The following ASTN2 variants were observed in gnomAD, a reference collection of about 807,000 sequenced individuals.
ASTN2 encodes the protein astrotactin-2.
A neutral mutation model predicts 139.8 loss-of-function variants in ASTN2; 54 were observed. That is an observed-to-expected ratio of 0.39 (90% CI 0.31 to 0.48). ASTN2 has a LOEUF of 0.48. Among genes scored for constraint, ASTN2 ranks in the 20% least tolerant of loss-of-function variants. The probability of loss-of-function intolerance (pLI) is 0.95; values close to 1 mark genes in which losing one functional copy is unlikely to be tolerated. For synonymous variants in ASTN2, 756 were observed against 719.5 expected (o/e 1.05, Z -0.81); for missense variants, 1,565 against 1,725.1 (o/e 0.91, Z 1.64).
At chr9:116,566,670 G>A (rs903907919) in intron 19 of ASTN2, among the ~76,000 whole-genome samples, 7 of 152,190 alleles carry the variant, frequency 4.6e-5, no homozygotes, top group African/African-American at 1.7e-4. Flanking sequence ...CCTAGTCTGA[G>A]TACTCTGAAT....
At chr9:117,211,000 T>G (rs917667210) in intron 3 of ASTN2, among the ~76,000 whole-genome samples, 1 of 150,104 alleles carries the variant, frequency 6.7e-6, no homozygotes, top group African/African-American at 2.4e-5. Context: ...AAAAAGCTTT[T>G]GAAATTTTAA....
At chr9:116,493,781 G>A (rs1415193319) in intron 19 of ASTN2, among the ~76,000 whole-genome samples, 1 of 152,170 alleles carries the variant, frequency 6.6e-6, no homozygotes, top group Non-Finnish European at 1.5e-5. Flanking sequence ...AGAATGGAAG[G>A]AGCAGTGGGA....
At chr9:117,348,075 A>T (rs1829279943) in intron 1 of ASTN2, among the ~76,000 whole-genome samples, 1 of 152,208 alleles carries the variant, frequency 6.6e-6, no homozygotes, top group Admixed American at 6.5e-5. Context: ...CCAAGCTTAA[A>T]ATCAGAGAGA....
chr9:116,600,323 C>CAAAAAAAAAAA (rs35224783), intron 19 of ASTN2, among the ~76,000 whole-genome samples: 3 of 118,942 alleles, frequency 2.5e-5, no homozygotes, highest in Non-Finnish European at 3.5e-5. Flanking sequence ...GACCCTGTCT[C>CAAAAAAAAAAA]AAAAAAAAAA....
chr9:116,649,799 A>T (rs1237084497), intron 17 of ASTN2, among the ~76,000 whole-genome samples: 1 of 152,116 alleles, frequency 6.6e-6, no homozygotes, highest in Non-Finnish European at 1.5e-5. Flanking sequence ...GCCTCCTGCC[A>T]ATAACCATGC....
chr9:116,688,061 G>A lies in ASTN2; in HGVS notation c.2807-36268C>T, dbSNP rs528520101. ...GCACAGTGCCCGATGGAATGCAGGA[G>A]ATGGGGGCTCAGATTGAGGGAGAGC... is the stretch of plus-strand genomic sequence containing the variant. On this transcript the variant is annotated intron_variant, in intron 16 of 22. Transcript: ENST00000313400. Among the ~76,000 whole-genome samples, 76 of 152,196 alleles carry A rather than the reference G, an allele frequency of 5.0e-4. 3 individuals carry two copies. In the South Asian group the frequency reaches 0.015, roughly 30 times the overall value.
At chr9:117,353,484 C>G (rs1227142522) in intron 1 of ASTN2, among the ~76,000 whole-genome samples, 2 of 151,874 alleles carry the variant, frequency 1.3e-5, no homozygotes, top group Non-Finnish European at 2.9e-5. Flanking sequence ...AAATAATAGC[C>G]ACATGTTGGG....
intron 19 of ASTN2, among the ~76,000 whole-genome samples, chr9:116,530,221 C>T (rs957649933): frequency 2.1e-5 from 3 of 146,266 alleles, no homozygotes; most frequent in East Asian, 2.1e-4. Context: ...ACCTAGAGGA[C>T]ATTATGTTAA....
At chr9:116,598,830 G>T (rs551784410) in intron 19 of ASTN2, among the ~76,000 whole-genome samples, 11 of 152,330 alleles carry the variant, frequency 7.2e-5, no homozygotes, top group African/African-American at 2.4e-4. Context: ...TCACAGAGGT[G>T]AAGATACCTT....
rs575072796 is a variant in ASTN2 at position 116,714,189 on chromosome 9, C to T, written c.2806+11582G>A. Among the ~76,000 whole-genome samples, 6 of 152,238 alleles carry T rather than the reference C, an allele frequency of 3.9e-5. No individual in the cohort carries two copies. In the South Asian group the frequency reaches 1.2e-3, roughly 32 times the overall value. ...GCTGTGCAAACATGCTCCCATGTGC[C>T]CTACTGCTGAGCTCCAGGCTGTGCT... On this transcript the variant is annotated intron_variant, in intron 16 of 22. Transcript: ENST00000313400.
At chr9:116,527,704 C>A (rs1487016853) in intron 19 of ASTN2, among the ~76,000 whole-genome samples, 1 of 152,134 alleles carries the variant, frequency 6.6e-6, no homozygotes, top group East Asian at 1.9e-4. Context: ...AAATTCTAAT[C>A]CCCATGTGTT....
At chr9:117,005,757 C>G (rs200579768) in intron 7 of ASTN2, among the ~76,000 whole-genome samples, 2 of 150,550 alleles carry the variant, frequency 1.3e-5, no homozygotes, top group Non-Finnish European at 3.0e-5. Flanking sequence ...CTCTCTCTCT[C>G]TGTCTCTCTC....
intron 19 of ASTN2, 112 bp downstream of exon 19, chr9:116,618,212 T>G: frequency 1.7e-6 from 2 of 1,165,964 alleles, no homozygotes; most frequent in Non-Finnish European, 2.4e-6. Flanking sequence ...AACAATGAAA[T>G]CTTCCAATGC....
intron 11 of ASTN2, among the ~76,000 whole-genome samples, chr9:116,845,532 AAAC>A (rs1239461893): frequency 2.0e-5 from 3 of 152,144 alleles, no homozygotes; most frequent in Admixed American, 6.5e-5. Flanking sequence ...AAAATGTGCC[AAAC>A]AACAAAAAAC....
chr9:117,397,108 A>AT (rs550982952), intron 1 of ASTN2, among the ~76,000 whole-genome samples: 74 of 151,814 alleles, frequency 4.9e-4, no homozygotes, highest in South Asian at 8.3e-4. Flanking sequence ...TGCCTGGCTA[A>AT]TTTTTTGTAT....
At chr9:117,388,369 A>G (rs1423396175) in intron 1 of ASTN2, among the ~76,000 whole-genome samples, 1 of 152,152 alleles carries the variant, frequency 6.6e-6, no homozygotes, top group East Asian at 1.9e-4. Context: ...CCCTGGGCTA[A>G]TGAGACTCTC....
At chr9:116,500,986 A>G (rs1223971525) in intron 19 of ASTN2, among the ~76,000 whole-genome samples, 4 of 150,646 alleles carry the variant, frequency 2.7e-5, no homozygotes, top group Non-Finnish European at 5.9e-5. Flanking sequence ...TGCACAAACT[A>G]TGTGTCCCAA....
chr9:116,538,944 C>A (rs1851761922), intron 19 of ASTN2, among the ~76,000 whole-genome samples: 1 of 152,266 alleles, frequency 6.6e-6, no homozygotes, highest in East Asian at 1.9e-4. Context: ...AAGAAAGCAG[C>A]ATCATTCATT....
At chr9:116,885,276 C>A in intron 10 of ASTN2, among the ~76,000 whole-genome samples, 1 of 152,024 alleles carries the variant, frequency 6.6e-6, no homozygotes, top group Non-Finnish European at 1.5e-5. Flanking sequence ...TAATAAATAC[C>A]CTGACTTGAT....
Sources: gnomAD v4.1 joint callset for allele counts (sites outside exome capture counted in the v4.1 genomes callset) on GRCh38, gnomAD v4.1.1 for gene constraint, MANE v1.5 for transcripts, NCBI Gene and HGNC (gene_info 2026-07-23, HGNC 2026-07-21) for gene names.